Variants in SATL1 observed in about 807,000 individuals in gnomAD.
The protein encoded by SATL1 is spermidine/spermine N(1)-acetyltransferase-like protein 1.
Under a neutral mutation model 51.8 loss-of-function variants are expected in SATL1, and 47 were observed. That is an observed-to-expected ratio of 0.91 (90% CI 0.72 to 1.16). SATL1 has a LOEUF of 1.16. SATL1 is among the 50% of genes most tolerant of loss of function. The probability of loss-of-function intolerance (pLI) is 0.00; values close to 1 mark genes in which losing one functional copy is unlikely to be tolerated. For missense variants in SATL1, 520 were observed against 526.4 expected (o/e 0.99, Z 0.12); for synonymous variants, 176 against 182.4 (o/e 0.97, Z 0.28).
chrX:85,240,913 C>G (rs899311422), intron 1 of SATL1, among the ~76,000 whole-genome samples: 4 of 110,358 alleles, frequency 3.6e-5, no homozygotes, highest in African/African-American at 1.3e-4. Context: ...CGTGAGCCAC[C>G]GCACCTGGCC....
At chrX:85,113,844 A>G (rs898295349) in intron 2 of SATL1, among the ~76,000 whole-genome samples, 1 of 111,692 alleles carries the variant, frequency 9.0e-6, no homozygotes, top group Admixed American at 9.5e-5. Context: ...ATCAAATACC[A>G]TATGAGTTGT....
chrX:85,180,818 A>T (rs1927185423), intron 2 of SATL1, among the ~76,000 whole-genome samples: 1 of 111,022 alleles, frequency 9.0e-6, no homozygotes, highest in Non-Finnish European at 1.9e-5. Flanking sequence ...ATCTTGTTTC[A>T]TGACTTAGCT....
At chrX:85,128,345 G>A (rs1333934439) in intron 2 of SATL1, among the ~76,000 whole-genome samples, 3 of 111,815 alleles carry the variant, frequency 2.7e-5, no homozygotes, top group African/African-American at 9.8e-5. Context: ...CATTCTAACT[G>A]GCGTGAGATG....
At chrX:85,212,838 A>G (rs747169282) in intron 2 of SATL1, 2 of 110,752 alleles carry the variant, frequency 1.8e-5, no homozygotes, top group Non-Finnish European at 3.8e-5. Context: ...TATGCATCTC[A>G]ATCTCCATAT....
At chrX:85,156,017 A>T (rs1926577233) in intron 2 of SATL1, among the ~76,000 whole-genome samples, 1 of 111,837 alleles carries the variant, frequency 8.9e-6, no homozygotes, top group South Asian at 3.7e-4. Context: ...GTATATTAAA[A>T]TTTTAATGGT....
intron 2 of SATL1, among the ~76,000 whole-genome samples, chrX:85,149,678 C>A (rs1225649166): frequency 3.6e-5 from 4 of 111,632 alleles, no homozygotes; most frequent in Non-Finnish European, 7.5e-5. Flanking sequence ...AACCACTCAA[C>A]TACATGGAAA....
intron 2 of SATL1, among the ~76,000 whole-genome samples, chrX:85,189,694 TA>T (rs1927395313): frequency 8.9e-6 from 1 of 112,231 alleles, no homozygotes; most frequent in African/African-American, 3.2e-5. Flanking sequence ...AGACTATGAA[TA>T]CAACTTGGCA....
In SATL1 at chrX:85,183,654, G is replaced by A. The variant is rs769058792; in HGVS notation, c.-313+40551C>T. ...GTTTAGTTTTCCTTTTTTAAAAGAAGTTTTGTGGCACACAGTAGGAGTGTA... is the reference window on the plus strand; with the variant it reads ...GTTTAGTTTTCCTTTTTTAAAAGAAATTTTGTGGCACACAGTAGGAGTGTA... On this transcript the variant is annotated intron_variant, in intron 2 of 7. Transcript: ENST00000644105. Among the ~76,000 whole-genome samples, 94 of 111,102 alleles carry A rather than the reference G, an allele frequency of 8.5e-4. 1 individual carries two copies. Among genetic ancestry groups the A allele is most frequent in the African/African-American group, 3.0e-3 (92 of 30,664 alleles).
intron 1 of SATL1, among the ~76,000 whole-genome samples, chrX:85,233,509 G>A (rs1406079046): frequency 8.9e-6 from 1 of 112,184 alleles, no homozygotes; most frequent in Non-Finnish European, 1.9e-5. Flanking sequence ...CAAAATAGCT[G>A]TGTTGAGGAA....
Position 85,107,264 on chromosome X carries a change from C to T in SATL1, c.1641+64G>A. The T allele has an allele frequency of 4.1e-6, 4 of 972,232 alleles. No homozygotes were observed. The South Asian group carries it at 8.7e-5, about 21-fold the overall frequency. 80.1% of individuals were successfully genotyped at this position (972,232 alleles called of 1,213,427 possible). On this transcript the variant is annotated intron_variant, in intron 3 of 7. Coordinates refer to ENST00000644105, the MANE Select transcript of SATL1 (RefSeq NM_001367857.2). ...AGGCAGAATTCGAACCCCAACTATG[C>T]CTCCCTTACTCTTTCAGCCCTACAC...
At chrX:85,103,476 C>A (rs1223694233) in intron 4 of SATL1, among the ~76,000 whole-genome samples, 1 of 111,702 alleles carries the variant, frequency 9.0e-6, no homozygotes, top group East Asian at 2.8e-4. Flanking sequence ...CTAGCCTATC[C>A]TATTAATCTT....
chrX:85,104,280 G>T (rs755328252), intron 3 of SATL1, among the ~76,000 whole-genome samples: 1 of 111,808 alleles, frequency 8.9e-6, no homozygotes, highest in African/African-American at 3.2e-5. Flanking sequence ...GCTTTACAGA[G>T]AAGTCTCTCA....
Position 85,109,008 on chromosome X carries a change from G to A in SATL1, c.-40C>T. 8.9e-7 allele frequency: 1 copy of A among 1,124,370 alleles called. No individual in the cohort carries two copies. The highest frequency in any genetic ancestry group is 1.2e-6 in the Non-Finnish European group (1 of 834,561). The allele number at this position is 1,124,370 out of a possible 1,213,427, so 92.7% of individuals were successfully genotyped here. A position where few individuals can be genotyped will look rare whatever the true frequency, so the allele number is the denominator to read the frequency against. On this transcript the variant is annotated 5_prime_UTR_variant, in exon 3 of 8. Coordinates refer to ENST00000644105, the MANE Select transcript of SATL1 (RefSeq NM_001367857.2). ...TGCTTTGTTGACTAAGGATGGGGTG[G>A]CAGATGATGGGTTGGCAGACAACTG...
At chrX:85,170,163 AT>A (rs1473205676) in intron 2 of SATL1, among the ~76,000 whole-genome samples, 3 of 111,274 alleles carry the variant, frequency 2.7e-5, no homozygotes, top group African/African-American at 9.8e-5. Context: ...ATCAGAAAAA[AT>A]AACTAACGGG....
chrX:85,176,086 C>T (rs1317406371), intron 2 of SATL1, among the ~76,000 whole-genome samples: 3 of 111,448 alleles, frequency 2.7e-5, no homozygotes, highest in African/African-American at 9.7e-5. Flanking sequence ...AAAGGATCAA[C>T]AACTTATTTT....
chrX:85,150,496 G>A (rs1244546690), intron 2 of SATL1, among the ~76,000 whole-genome samples: 1 of 108,711 alleles, frequency 9.2e-6, no homozygotes, highest in East Asian at 2.9e-4. Context: ...ACCAAAGCCG[G>A]GCAGAGACAC....
intron 2 of SATL1, chrX:85,153,889 AAAG>A (rs1378427361): frequency 9.0e-6 from 1 of 111,641 alleles, no homozygotes; most frequent in Admixed American, 9.6e-5. Flanking sequence ...AAAAGAAGTC[AAAG>A]AAGAATATAG....
intron 2 of SATL1, among the ~76,000 whole-genome samples, chrX:85,116,729 G>C (rs1371326290): frequency 5.4e-5 from 6 of 110,834 alleles, no homozygotes; most frequent in African/African-American, 2.0e-4. Flanking sequence ...TTCCTGGAGG[G>C]CTGGGGGGTC....
chrX:85,163,438 T>C (rs748517747), intron 2 of SATL1, among the ~76,000 whole-genome samples: 147 of 111,403 alleles, frequency 1.3e-3, no homozygotes, highest in African/African-American at 4.6e-3. Flanking sequence ...TTTTTCTGTA[T>C]CTCAGAGGTT....
Sources: gnomAD v4.1 joint callset for allele counts (sites outside exome capture counted in the v4.1 genomes callset) on GRCh38, gnomAD v4.1.1 for gene constraint, MANE v1.5 for transcripts, NCBI Gene and HGNC (gene_info 2026-07-23, HGNC 2026-07-21) for gene names.